EXPH5: variants seen among roughly 807,000 people sequenced by gnomAD.
The protein encoded by EXPH5 is exophilin-5.
EXPH5 carries 42 observed loss-of-function variants against 41.1 expected under a neutral mutation model. The ratio of observed to expected loss-of-function variants is 1.02; its 90% confidence interval spans 0.80 to 1.32. The LOEUF (loss-of-function observed/expected upper bound fraction) is 1.32, where lower values mean the gene tolerates loss of function less well. Among genes scored for constraint, EXPH5 ranks in the 40% most tolerant of loss-of-function variants. EXPH5 has a pLI of 0.00. For synonymous variants in EXPH5, 798 were observed against 833.5 expected (o/e 0.96, Z 0.73); for missense variants, 2,298 against 2,314.5 (o/e 0.99, Z 0.15).
At position 108,580,814 on chromosome 11, in the gene EXPH5, C is replaced by T. The variant is rs2094095748; in HGVS notation, c.119+12604G>A. ...AATAAACCAAGAACACAAAGCTAAA[C>T]ACCACACGTTCTCACTCATAAGTGG... On this transcript the variant is annotated intron_variant, in intron 1 of 5. Coordinates refer to ENST00000265843, the MANE Select transcript of EXPH5 (RefSeq NM_015065.3). Among the ~76,000 whole-genome samples the T allele has an allele frequency of 2.0e-5, 3 of 152,262 alleles. No individual in the cohort carries two copies. The South Asian group carries it at 6.2e-4, about 32-fold the overall frequency.
intron 1 of EXPH5, 84 bp downstream of exon 1, chr11:108,593,334 C>G: frequency 7.9e-7 from 1 of 1,263,494 alleles, no homozygotes; most frequent in Non-Finnish European, 1.1e-6. Context: ...GCAGGTGCCC[C>G]GCGCGAGCTC....
intron 1 of EXPH5, among the ~76,000 whole-genome samples, chr11:108,588,525 C>A (rs2094119829): frequency 6.6e-6 from 1 of 152,154 alleles, no homozygotes; most frequent in Admixed American, 6.5e-5. Flanking sequence ...TTATCTCAAG[C>A]ATGTCACTTA....
At chr11:108,533,515 C>T (rs113129978) in intron 3 of EXPH5, among the ~76,000 whole-genome samples, 4 of 152,250 alleles carry the variant, frequency 2.6e-5, no homozygotes, top group African/African-American at 9.6e-5. Context: ...CATTCTAAAT[C>T]TTGCACAAAT....
intron 5 of EXPH5, 135 bp downstream of exon 5, chr11:108,518,100 A>G: frequency 1.4e-6 from 1 of 733,590 alleles, no homozygotes; most frequent in Non-Finnish European, 2.2e-6. Flanking sequence ...CATCCTCTTC[A>G]AATAAGCTAA....
chr11:108,521,162 C>G (rs755561512), intron 4 of EXPH5, among the ~76,000 whole-genome samples: 1 of 152,208 alleles, frequency 6.6e-6, no homozygotes. Flanking sequence ...CAAAATTTCC[C>G]TTTCTATTTG....
At chr11:108,533,011 A>G (rs1182279640) in intron 3 of EXPH5, among the ~76,000 whole-genome samples, 1 of 152,200 alleles carries the variant, frequency 6.6e-6, no homozygotes, top group East Asian at 1.9e-4. Flanking sequence ...AGTGCTGCAC[A>G]TGGTATTCTT....
the EXPH5 span, among the ~76,000 whole-genome samples, chr11:108,603,983 C>G: frequency 6.6e-6 from 1 of 151,940 alleles, no homozygotes; most frequent in Non-Finnish European, 1.5e-5. Context: ...CTGTTATTCA[C>G]GAGTTGATAT....
At chr11:108,593,792 C>A, upstream of EXPH5, 1 of 1,527,504 alleles carries the variant, frequency 6.5e-7, no homozygotes, top group Non-Finnish European at 8.8e-7. Flanking sequence ...AGAGAGGGAA[C>A]CAATCCCGTT....
At chr11:108,534,066 A>T (rs1241246165) in intron 3 of EXPH5, among the ~76,000 whole-genome samples, 1 of 152,188 alleles carries the variant, frequency 6.6e-6, no homozygotes, top group Non-Finnish European at 1.5e-5. Flanking sequence ...AAGTGTTGAG[A>T]TTACAGGCGG....
At chr11:108,537,875 C>G (rs1442826877) in intron 3 of EXPH5, 5 of 602,390 alleles carry the variant, frequency 8.3e-6, no homozygotes, top group Non-Finnish European at 8.3e-6. Context: ...TAAATATTTA[C>G]TGGGCAAGAA....
At position 108,508,842 on chromosome 11, in the gene EXPH5, T is replaced by TC. The variant is rs1333256998; in HGVS notation, c.*694dup. On this transcript the variant is annotated 3_prime_UTR_variant, in exon 6 of 6. Coordinates refer to ENST00000265843, the MANE Select transcript of EXPH5 (RefSeq NM_015065.3). ...AACCTTCTATTGGCTTACTAGGGAT[T>TC]CAGGTCCTAATCTATAACCTCAACA... 3 of 152,262 alleles carry TC rather than the reference T, an allele frequency of 2.0e-5. No homozygotes were observed. Among genetic ancestry groups the TC allele is most frequent in the African/African-American group, 7.2e-5 (3 of 41,462 alleles). The allele number at this position is 152,262 out of a possible 1,614,324, so 9.4% of individuals were successfully genotyped here. A position where few individuals can be genotyped will look rare whatever the true frequency, so the allele number is the denominator to read the frequency against.
chr11:108,593,073 A>G (rs2094131638), intron 1 of EXPH5, among the ~76,000 whole-genome samples: 1 of 152,250 alleles, frequency 6.6e-6, no homozygotes, highest in African/African-American at 2.4e-5. Context: ...GCCGCATTTC[A>G]TTGCCTGAAA....
At position 108,510,114 on chromosome 11, in the gene EXPH5, T is replaced by C; in HGVS notation, c.5393A>G (p.Lys1798Arg). ...EPHLYRSKSL[K>R]SINVHGDLLR... ...TAGATCGCCATGAACATTAATGCTT[T>C]TTAAACTCTTTGAACGATAGAGGTG... The change falls in exon 6 of 6, where the codon AAA becomes AGA. Residue 1798 changes from lysine to arginine, a missense_variant. Transcript: ENST00000265843. 6.2e-7 allele frequency: 1 copy of C among 1,613,758 alleles called. No individual in the cohort carries two copies. The highest frequency in any genetic ancestry group is 8.5e-7 in the Non-Finnish European group (1 of 1,179,974).
At position 108,593,491 on chromosome 11, in the gene EXPH5, C is replaced by A; in HGVS notation, c.46G>T (p.Glu16Ter). 4 of 1,614,194 alleles carry A rather than the reference C, an allele frequency of 2.5e-6. No homozygotes were observed. The highest frequency in any genetic ancestry group is 3.4e-6 in the Non-Finnish European group (4 of 1,180,030). Residue 16 changes from glutamate (E) to a stop codon, truncating the protein, a stop_gained, in exon 1 of 6, where the codon GAA (glutamate) becomes TAA (stop). Transcript: ENST00000265843. LOFTEE classifies it high-confidence loss of function. ...PAFDFSFLND[E>*]EARKILQVLE... Reference sequence around the variant, plus strand: ...ACCTGAAGGATCTTCCTGGCCTCTTCGTCATTTAAGAAACTGAAATCAAAC... The same window carrying A: ...ACCTGAAGGATCTTCCTGGCCTCTTAGTCATTTAAGAAACTGAAATCAAAC...
the EXPH5 span, among the ~76,000 whole-genome samples, chr11:108,599,962 G>A: frequency 7.4e-3 from 1,127 of 152,304 alleles, 29 homozygotes; most frequent in South Asian, 6.4e-3. Flanking sequence ...ACATTTGTTT[G>A]CTTCCATAAT....
chr11:108,587,281 T>C (rs2094116105), intron 1 of EXPH5, among the ~76,000 whole-genome samples: 1 of 152,246 alleles, frequency 6.6e-6, no homozygotes, highest in African/African-American at 2.4e-5. Flanking sequence ...GACCTCCTTT[T>C]GACCTTCATG....
chr11:108,573,864 G>C (rs1044488653), intron 1 of EXPH5, among the ~76,000 whole-genome samples: 1 of 152,110 alleles, frequency 6.6e-6, no homozygotes, highest in Non-Finnish European at 1.5e-5. Context: ...AGGCAACATA[G>C]TGAGACCTTG....
At chr11:108,534,018 C>T (rs1315436000) in intron 3 of EXPH5, among the ~76,000 whole-genome samples, 2 of 152,144 alleles carry the variant, frequency 1.3e-5, no homozygotes, top group Non-Finnish European at 2.9e-5. Flanking sequence ...TAATTTCAAA[C>T]TCTTGGCCTC....
At chr11:108,558,107 T>TA (rs1436509162) in intron 1 of EXPH5, among the ~76,000 whole-genome samples, 1 of 152,002 alleles carries the variant, frequency 6.6e-6, no homozygotes, top group Admixed American at 6.6e-5. Flanking sequence ...CATATCCAGC[T>TA]AATTTTTGTA....
Sources: gnomAD v4.1 joint callset for allele counts (sites outside exome capture counted in the v4.1 genomes callset) on GRCh38, gnomAD v4.1.1 for gene constraint, MANE v1.5 for transcripts, NCBI Gene and HGNC (gene_info 2026-07-23, HGNC 2026-07-21) for gene names.